The following CFAP91 variants were observed in gnomAD, a reference collection of about 807,000 sequenced individuals.
CFAP91 encodes cilia- and flagella-associated protein 91.
Under a neutral mutation model 95.9 loss-of-function variants are expected in CFAP91, and 85 were observed. The observed-to-expected ratio is 0.89, with a 90% CI of 0.74 to 1.06. The LOEUF (loss-of-function observed/expected upper bound fraction) is 1.06, where lower values mean the gene tolerates loss of function less well. CFAP91 is among the 50% of genes least tolerant of loss of function. CFAP91 has a pLI of 0.00. For synonymous variants in CFAP91, 335 were observed against 327.5 expected (o/e 1.02, Z -0.25); for missense variants, 962 against 943.4 (o/e 1.02, Z -0.26).
chr3:119,731,114 T>G (rs2053888652), intron 8 of CFAP91, among the ~76,000 whole-genome samples: 1 of 152,022 alleles, frequency 6.6e-6, no homozygotes, highest in African/African-American at 2.4e-5. Flanking sequence ...GGTACACATC[T>G]GTAGTCATAG....
Position 119,703,221 on chromosome 3 carries a change from C to T in CFAP91, c.123C>T (p.Tyr41=), listed in dbSNP as rs1316327109. ...ISSNRAYDFL[Y]DPLFIVSSEK... is the part of the protein sequence containing the mutation. The stretch of plus-strand genomic sequence containing the variant: ...CCAATCGAGCGTATGATTTTCTGTA[C>T]GGTAAGGACCGCCGCAGACCTTCCT... Residue 41 remains tyrosine (Y), a splice_region_variant and synonymous_variant, in exon 1 of 18, where the codon TAC becomes TAT. Transcript: ENST00000273390. 4 of 1,611,650 alleles carry T rather than the reference C, an allele frequency of 2.5e-6. No individual in the cohort carries two copies. The highest frequency in any genetic ancestry group is 3.4e-6 in the Non-Finnish European group (4 of 1,179,008).
At chr3:119,706,233 A>G (rs2053358335) in intron 1 of CFAP91, 1 of 152,604 alleles carries the variant, frequency 6.6e-6, no homozygotes, top group South Asian at 2.1e-4. Flanking sequence ...TAGCAGGGCA[A>G]TATTTTGTTG....
chr3:119,744,149 C>A lies in CFAP91; in HGVS notation c.1855C>A (p.Gln619Lys). 6.2e-7 allele frequency: 1 copy of A among 1,613,864 alleles called. No individual in the cohort carries two copies. The highest frequency in any genetic ancestry group is 1.1e-5 in the South Asian group (1 of 91,066). The change falls in exon 14 of 18, where the codon CAG (glutamine) becomes AAG (lysine). Residue 619 changes from glutamine (Q) to lysine (K), a missense_variant. Gln to Lys is a moderately conservative substitution (Grantham distance 53). Transcript: ENST00000273390. ...VREAEESGRR[Q>K]VEKQRLREED... is the part of the protein sequence containing the mutation. ...AGAGGCTGAAGAGAGTGGTCGGCGC[C>A]AGGTGGAAAAACAGCGCCTGCGGGA...
intron 3 of CFAP91, 32 bp from the exon 4 acceptor site, chr3:119,708,559 G>T: frequency 1.5e-6 from 2 of 1,372,954 alleles, no homozygotes; most frequent in South Asian, 2.4e-5. Flanking sequence ...AAATATTTTA[G>T]ACTTGAATAA....
At chr3:119,740,833 A>T in intron 13 of CFAP91, 138 bp downstream of exon 13, 37 of 685,954 alleles carry the variant, frequency 5.4e-5, no homozygotes, top group East Asian at 1.0e-4. Flanking sequence ...CTCTGTCAGC[A>T]TTTGTGTGTG....
rs2053616583 is a variant in CFAP91, at chr3:119,718,231, GA to G, written c.682+2489del. ...GTGCTTTCTATATTCTCAAAAGGAT[GA>G]GGGGGAAATAGCAACACCAAAACAA... On this transcript the variant is annotated intron_variant, in intron 6 of 17. Transcript: ENST00000273390. Among the ~76,000 whole-genome samples, 3 of 152,156 alleles carry G rather than the reference GA, an allele frequency of 2.0e-5. No individual in the cohort carries two copies. The South Asian group carries it at 6.2e-4, about 31-fold the overall frequency.
chr3:119,726,216 G>A lies in CFAP91; in HGVS notation c.728G>A (p.Arg243Lys). 1 of 1,613,462 alleles carries A rather than the reference G, an allele frequency of 6.2e-7. No homozygotes were observed. Among genetic ancestry groups the A allele is most frequent in the East Asian group, 2.2e-5 (1 of 44,838 alleles). The change falls in exon 7 of 18, where the codon AGA becomes AAA. Residue 243 changes from arginine to lysine, a missense_variant. Arg to Lys is a conservative substitution (Grantham distance 26). Transcript: ENST00000273390. Reference protein sequence around the residue: ...AGQAEVEMIERAREKRAWEAS... With the variant: ...AGQAEVEMIEKAREKRAWEAS... Reference sequence around the variant, plus strand: ...CAAGCTGAGGTGGAGATGATAGAAAGAGCCCGCGAGAAGCGTGCTTGGGAA... The same window carrying A: ...CAAGCTGAGGTGGAGATGATAGAAAAAGCCCGCGAGAAGCGTGCTTGGGAA...
chr3:119,703,202 G>A lies in CFAP91; in HGVS notation c.104G>A (p.Arg35Gln). 2 of 1,612,050 alleles carry A rather than the reference G, an allele frequency of 1.2e-6. No homozygotes were observed. Among genetic ancestry groups the A allele is most frequent in the Non-Finnish European group, 8.5e-7 (1 of 1,179,150 alleles). The change falls in exon 1 of 18, where the codon CGA becomes CAA. Residue 35 changes from arginine to glutamine, a missense_variant. Arg to Gln is a conservative substitution (Grantham distance 43, BLOSUM62 1). Transcript: ENST00000273390. ...SRAGSHISSNRAYDFLYDPLF... is the reference protein window; with the variant it reads ...SRAGSHISSNQAYDFLYDPLF... ...GCTGGGAGCCACATCTCCTCCAATC[G>A]AGCGTATGATTTTCTGTACGGTAAG...
chr3:119,745,569 T>C (rs2107906344), intron 14 of CFAP91, among the ~76,000 whole-genome samples: 1 of 152,350 alleles, frequency 6.6e-6, no homozygotes, highest in Non-Finnish European at 1.5e-5. Context: ...CAGGTACATA[T>C]ACAGCTATGG....
At chr3:119,735,365 A>G (rs2053981619) in intron 10 of CFAP91, among the ~76,000 whole-genome samples, 7 of 152,316 alleles carry the variant, frequency 4.6e-5, no homozygotes, top group Middle Eastern at 3.4e-3. Context: ...TCTGTTTTAT[A>G]TAAGTATTTT....
chr3:119,709,718 A>C, intron 4 of CFAP91, 121 bp from the exon 5 acceptor site: 1 of 747,984 alleles, frequency 1.3e-6, no homozygotes, highest in South Asian at 1.6e-5. Flanking sequence ...TTTGAGTAAC[A>C]CTGATATATG....
intron 6 of CFAP91, among the ~76,000 whole-genome samples, chr3:119,720,842 T>G (rs2053670543): frequency 1.3e-5 from 2 of 152,202 alleles, no homozygotes; most frequent in African/African-American, 4.8e-5. Context: ...TCCCATATAT[T>G]TAATCTCTAG....
At chr3:119,717,079 G>T (rs1204363900) in intron 6 of CFAP91, among the ~76,000 whole-genome samples, 1 of 152,202 alleles carries the variant, frequency 6.6e-6, no homozygotes, top group Non-Finnish European at 1.5e-5. Context: ...TCCTAAGAAA[G>T]AAGTAGCTGG....
At chr3:119,726,692 A>G (rs2053790852) in intron 7 of CFAP91, among the ~76,000 whole-genome samples, 1 of 152,026 alleles carries the variant, frequency 6.6e-6, no homozygotes, top group African/African-American at 2.4e-5. Context: ...ACAGAATCCC[A>G]CTAATTTCTG....
intron 1 of CFAP91, among the ~76,000 whole-genome samples, chr3:119,703,985 G>C (rs1266287637): frequency 6.6e-6 from 1 of 152,188 alleles, no homozygotes; most frequent in South Asian, 2.1e-4. Context: ...TTTTTCACCT[G>C]AACCTTGCAT....
At chr3:119,745,354 CAGATAT>C (rs1044698474) in intron 14 of CFAP91, among the ~76,000 whole-genome samples, 5 of 152,098 alleles carry the variant, frequency 3.3e-5, no homozygotes, top group African/African-American at 7.2e-5. Context: ...GTGAGAAACA[CAGATAT>C]AAAGTCATCG....
chr3:119,761,446 C>G (rs1245138776), intron 17 of CFAP91, among the ~76,000 whole-genome samples: 1 of 151,396 alleles, frequency 6.6e-6, no homozygotes, highest in African/African-American at 2.4e-5. Context: ...AAATTTCAGT[C>G]TTCCAAAAAA....
At chr3:119,725,095 AT>A (rs1360782428) in intron 6 of CFAP91, among the ~76,000 whole-genome samples, 1 of 152,252 alleles carries the variant, frequency 6.6e-6, no homozygotes, top group Non-Finnish European at 1.5e-5. Flanking sequence ...ATATTTTTAA[AT>A]GAAAATAAAA....
At chr3:119,737,697 C>T (rs1212964780) in intron 11 of CFAP91, among the ~76,000 whole-genome samples, 1 of 152,116 alleles carries the variant, frequency 6.6e-6, no homozygotes, top group Non-Finnish European at 1.5e-5. Context: ...AAAATAAAAA[C>T]ACAATTTAAA....
Sources: gnomAD v4.1 joint callset for allele counts (sites outside exome capture counted in the v4.1 genomes callset) on GRCh38, gnomAD v4.1.1 for gene constraint, MANE v1.5 for transcripts, NCBI Gene and HGNC (gene_info 2026-07-23, HGNC 2026-07-21) for gene names.